The following NAV3 variants were observed in gnomAD, a reference collection of about 807,000 sequenced individuals.
NAV3 encodes the protein neuron navigator 3, also known as pore membrane and/or filament interacting like protein 1.
Under a neutral mutation model 244.7 loss-of-function variants are expected in NAV3, and 87 were observed. The ratio of observed to expected loss-of-function variants is 0.36; its 90% CI spans 0.30 to 0.42. The LOEUF is 0.42. NAV3 is among the 20% of genes least tolerant of loss of function. The probability of loss-of-function intolerance (pLI) is 1.00; values close to 1 mark genes in which losing one functional copy is unlikely to be tolerated. For synonymous variants in NAV3, 1,126 were observed against 1,042.2 expected (o/e 1.08, Z -1.55); for missense variants, 2,663 against 2,893.3 (o/e 0.92, Z 1.83).
At chr12:77,730,033 A>G (rs1877052262) in intron 2 of NAV3, among the ~76,000 whole-genome samples, 1 of 151,970 alleles carries the variant, frequency 6.6e-6, no homozygotes, top group South Asian at 2.1e-4. Context: ...AGCTTGTTGA[A>G]AACATTCAGG....
At chr12:77,755,099 T>C (rs946500418) in intron 2 of NAV3, among the ~76,000 whole-genome samples, 1 of 152,204 alleles carries the variant, frequency 6.6e-6, no homozygotes, top group African/African-American at 2.4e-5. Flanking sequence ...AAGCTCAGCC[T>C]ACAGGTGGAC....
At chr12:78,182,945 T>C (rs1323521401) in intron 30 of NAV3, among the ~76,000 whole-genome samples, 1 of 151,942 alleles carries the variant, frequency 6.6e-6, no homozygotes, top group Non-Finnish European at 1.5e-5. Flanking sequence ...TCATGATTAA[T>C]CTTAAGATAA....
At chr12:77,774,927 A>T (rs1213349254) in intron 2 of NAV3, among the ~76,000 whole-genome samples, 1 of 152,204 alleles carries the variant, frequency 6.6e-6, no homozygotes, top group Non-Finnish European at 1.5e-5. Flanking sequence ...TCTGTATCAT[A>T]GTGTCGTCCC....
At chr12:77,758,051 A>C (rs1470929277) in intron 2 of NAV3, among the ~76,000 whole-genome samples, 1 of 152,022 alleles carries the variant, frequency 6.6e-6, no homozygotes, top group Non-Finnish European at 1.5e-5. Context: ...CACAAAGCAC[A>C]CTCCAGGCTT....
chr12:78,207,514 A>G (rs1381925680), intron 39 of NAV3, among the ~76,000 whole-genome samples: 5 of 152,172 alleles, frequency 3.3e-5, no homozygotes, highest in Admixed American at 2.0e-4. Context: ...ATTAAGTAAA[A>G]TTGTGAGTTC....
rs367740483 is a variant in NAV3 at position 78,050,878 on chromosome 12, G to A, written c.2247G>A (p.Pro749=). The A allele has an allele frequency of 1.1e-5, 17 of 1,614,014 alleles. No individual in the cohort carries two copies. Among genetic ancestry groups the A allele is most frequent in the African/African-American group, 5.3e-5 (4 of 74,928 alleles). ...CCTGGAGGTTGGGCCAGGCATGTCC[G>A]CGACTTCAGGCGGGAGATGCTCCCT... The part of the protein sequence containing the change: ...PMTWRLGQAC[P]RLQAGDAPSL... The change falls in exon 11 of 40, where the codon CCG becomes CCA. Residue 749 remains proline (P), a synonymous_variant. Coordinates refer to ENST00000397909, the MANE Select transcript of NAV3 (RefSeq NM_001024383.2).
chr12:78,131,210 T>A (rs1721491388), intron 18 of NAV3, among the ~76,000 whole-genome samples: 2 of 152,194 alleles, frequency 1.3e-5, no homozygotes, highest in African/African-American at 4.8e-5. Context: ...GGCTATGTCT[T>A]TTCTATTGCA....
intron 11 of NAV3, among the ~76,000 whole-genome samples, chr12:78,053,577 T>C (rs1260367171): frequency 6.6e-6 from 1 of 152,156 alleles, no homozygotes; most frequent in Admixed American, 6.5e-5. Context: ...ATATTTTCTC[T>C]GTGAGATGCA....
chr12:78,001,012 C>T (rs1390210192), intron 7 of NAV3, among the ~76,000 whole-genome samples: 1 of 150,944 alleles, frequency 6.6e-6, no homozygotes, highest in Non-Finnish European at 1.5e-5. Flanking sequence ...ATTCTATATC[C>T]AAATGGTACA....
At chr12:78,077,961 A>G (rs959625934) in intron 12 of NAV3, among the ~76,000 whole-genome samples, 1 of 152,018 alleles carries the variant, frequency 6.6e-6, no homozygotes, top group African/African-American at 2.4e-5. Flanking sequence ...ACAGAAACAT[A>G]TTGTCTCACC....
At chr12:77,637,328 TTAAG>T (rs778261412) in intron 2 of NAV3, among the ~76,000 whole-genome samples, 2 of 152,076 alleles carry the variant, frequency 1.3e-5, no homozygotes, top group Non-Finnish European at 2.9e-5. Flanking sequence ...ATTTTAAAGA[TTAAG>T]TGTTTATTAT....
intron 1 of NAV3, among the ~76,000 whole-genome samples, chr12:77,864,026 T>G (rs1304107570): frequency 1.3e-5 from 2 of 151,860 alleles, no homozygotes; most frequent in African/African-American, 4.8e-5. Context: ...TGGCAGAGAT[T>G]ATAATATAAA....
intron 28 of NAV3, among the ~76,000 whole-genome samples, chr12:78,179,247 C>T (rs1185323570): frequency 6.6e-6 from 1 of 151,714 alleles, no homozygotes; most frequent in African/African-American, 2.4e-5. Context: ...TAAATATCAC[C>T]AATAAAAGAA....
intron 24 of NAV3, among the ~76,000 whole-genome samples, chr12:78,174,195 G>A (rs1237457818): frequency 6.6e-6 from 1 of 151,718 alleles, no homozygotes; most frequent in Non-Finnish European, 1.5e-5. Flanking sequence ...TAGTGTCTCA[G>A]TAATACTTAA....
intron 2 of NAV3, among the ~76,000 whole-genome samples, chr12:77,708,369 G>A (rs1875937860): frequency 6.6e-6 from 1 of 152,172 alleles, no homozygotes. Context: ...GATGGTTGTA[G>A]ATGTGTGGTA....
At chr12:77,999,708 T>C (rs187593377) in intron 7 of NAV3, among the ~76,000 whole-genome samples, 118 of 152,014 alleles carry the variant, frequency 7.8e-4, no homozygotes, top group Admixed American at 7.7e-3. Context: ...AAATATAAAA[T>C]AAAATTTTAG....
intron 2 of NAV3, among the ~76,000 whole-genome samples, chr12:77,668,953 A>G (rs377068455): frequency 6.6e-6 from 1 of 152,188 alleles, no homozygotes; most frequent in African/African-American, 2.4e-5. Context: ...CAGATTTCTC[A>G]AAAGAAACCC....
intron 1 of NAV3, among the ~76,000 whole-genome samples, chr12:77,895,887 A>G (rs569104380): frequency 6.7e-6 from 1 of 148,898 alleles, no homozygotes; most frequent in East Asian, 2.0e-4. Flanking sequence ...ATAACCACTG[A>G]CAGGGGGATC....
At chr12:77,920,566 A>G (rs1887612491) in intron 1 of NAV3, among the ~76,000 whole-genome samples, 1 of 152,060 alleles carries the variant, frequency 6.6e-6, no homozygotes, top group Non-Finnish European at 1.5e-5. Context: ...ATTGTGAAAA[A>G]TTAAAATGCA....
Sources: allele counts gnomAD v4.1 joint callset (sites outside exome capture counted in the v4.1 genomes callset), GRCh38; gene constraint gnomAD v4.1.1; transcripts MANE v1.5; gene names NCBI Gene and HGNC (gene_info 2026-07-23, HGNC 2026-07-21).